TPMT: variants seen among roughly 807,000 people sequenced by gnomAD.
TPMT encodes the protein thiopurine S-methyltransferase, also known as S-adenosyl-L-methionine:thiopurine S-methyltransferase.
TPMT carries 18 observed loss-of-function variants against 34.2 expected under a neutral mutation model. The observed-to-expected ratio is 0.53, with a 90% CI of 0.36 to 0.78. The LOEUF is 0.78. TPMT is among the 30% of genes least tolerant of loss of function. The probability of loss-of-function intolerance (pLI) is 0.00; values close to 1 mark genes in which losing one functional copy is unlikely to be tolerated. For synonymous variants in TPMT, 69 were observed against 92.4 expected, an observed-to-expected ratio of 0.75 and a Z score of 1.45; for missense variants, 265 against 288.1, an observed-to-expected ratio of 0.92 and a Z score of 0.58.
rs760966908 is a variant in TPMT, at chr6:18,153,026, T to C, written c.-45+2007A>G. Among the ~76,000 whole-genome samples, 4 of 152,252 alleles carry C rather than the reference T, an allele frequency of 2.6e-5. No individual in the cohort carries two copies. Among genetic ancestry groups the C allele is most frequent in the Non-Finnish European group, 4.4e-5 (3 of 68,048 alleles). On this transcript the variant is annotated intron_variant, in intron 1 of 8. Coordinates refer to ENST00000309983, the MANE Select transcript of TPMT (RefSeq NM_000367.5). This position sits in a 1 kb window ranked among gnomAD's most constrained non-coding sequence, Gnocchi z 4.2. ...TGGTAACACCGCCATTTTTTGTGCA[T>C]GGTACCCATGAAGCTCAATTACTCA...
At chr6:18,133,654 T>C in intron 7 of TPMT, 150 bp downstream of exon 7, 2 of 646,544 alleles carry the variant, frequency 3.1e-6, no homozygotes, top group Non-Finnish European at 2.7e-6. Context: ...ATAGTTCCCA[T>C]TAGTCAAAAC....
Position 18,138,908 on chromosome 6 carries a change from AG to A in TPMT, c.494+54del. 2.8e-6 allele frequency: 4 copies of A among 1,426,594 alleles called. No individual in the cohort carries two copies. Among genetic ancestry groups the A allele is most frequent in the East Asian group, 2.3e-5 (1 of 44,030 alleles). 88.4% of individuals were successfully genotyped at this position (1,426,594 alleles called of 1,614,324 possible). ...AGCTGATTTTCTAGAACCCAGAAAA[AG>A]TATAGTATACTAAAAAATTAAGACA... is the stretch of plus-strand genomic sequence containing the variant. On this transcript the variant is annotated intron_variant, in intron 6 of 8. Coordinates refer to ENST00000309983, the MANE Select transcript of TPMT (RefSeq NM_000367.5). The surrounding 1 kb of genome is among the most constrained non-coding windows in gnomAD (Gnocchi z 4.1).
In TPMT at chr6:18,132,232, G is replaced by T; in HGVS notation, c.581-55C>A. 4 of 1,533,500 alleles carry T rather than the reference G, an allele frequency of 2.6e-6. No homozygotes were observed. The South Asian group carries it at 4.5e-5, about 17-fold the overall frequency. 95.0% of individuals were successfully genotyped at this position (1,533,500 alleles called of 1,614,324 possible). On this transcript the variant is annotated intron_variant, in intron 7 of 8. Transcript: ENST00000309983. This position sits in a 1 kb window ranked among gnomAD's most constrained non-coding sequence, Gnocchi z 4.8. ...TATTTCCAATGACGTAGGTGTACTT[G>T]TTCTACATACAACTTCATTATCCAA...
At position 18,153,586 on chromosome 6, in the gene TPMT, T is replaced by C. The variant is rs1307509706; in HGVS notation, c.-45+1447A>G. ...ATATAGGGAGGAGGCATTTCTCTCA[T>C]TACCTGGGAACATGAATTCACTTCT... On this transcript the variant is annotated intron_variant, in intron 1 of 8. Transcript: ENST00000309983. The surrounding 1 kb of genome is among the most constrained non-coding windows in gnomAD (Gnocchi z 4.2). Among the ~76,000 whole-genome samples the C allele has an allele frequency of 6.6e-6, 1 of 152,222 alleles. No homozygotes were observed. Among genetic ancestry groups the C allele is most frequent in the South Asian group, 2.1e-4 (1 of 4,836 alleles).
Position 18,143,519 on chromosome 6 carries a change from G to T in TPMT, c.366+77C>A. 1 of 1,567,568 alleles carries T rather than the reference G, an allele frequency of 6.4e-7. No homozygotes were observed. Among genetic ancestry groups the T allele is most frequent in the Non-Finnish European group, 8.8e-7 (1 of 1,142,050 alleles). ...ATAGGAACCATCGGACACATGAATG[G>T]TATCCTCATAATACTCACACTGAGA... On this transcript the variant is annotated intron_variant, in intron 4 of 8. Transcript: ENST00000309983. This position sits in a 1 kb window ranked among gnomAD's most constrained non-coding sequence, Gnocchi z 6.1.
chr6:18,147,681 T>C (rs1247827010), intron 3 of TPMT, 142 bp downstream of exon 3: 7 of 718,304 alleles, frequency 9.7e-6, no homozygotes, highest in Non-Finnish European at 7.3e-6. Context: ...TTATTTCCAA[T>C]TATATACCCA....
In TPMT at chr6:18,136,469, A is replaced by G. The variant is rs902872834; in HGVS notation, c.494+2494T>C. Among the ~76,000 whole-genome samples the G allele has an allele frequency of 6.6e-6, 1 of 152,178 alleles. No individual in the cohort carries two copies. The highest frequency in any genetic ancestry group is 2.4e-5 in the African/African-American group (1 of 41,436). On this transcript the variant is annotated intron_variant, in intron 6 of 8. Transcript: ENST00000309983. This position sits in a 1 kb window ranked among gnomAD's most constrained non-coding sequence, Gnocchi z 4.7. ...TTGGAACATCACAGGAACTTAGTAA[A>G]TATTTGTTGAATAGCTGAATGAAAG...
Position 18,135,940 on chromosome 6 carries a change from T to C in TPMT, c.495-2051A>G, listed in dbSNP as rs1223858411. 6.6e-6 allele frequency among the ~76,000 whole-genome samples: 1 copy of C among 152,174 alleles called. No homozygotes were observed. Among genetic ancestry groups the C allele is most frequent in the Non-Finnish European group, 1.5e-5 (1 of 68,030 alleles). ...GCCCTTGCTCAGAGTGCAGTTCACT[T>C]CTTCCATTCATTTATTTAAACAACA... On this transcript the variant is annotated intron_variant, in intron 6 of 8. Coordinates refer to ENST00000309983, the MANE Select transcript of TPMT (RefSeq NM_000367.5). The surrounding 1 kb of genome is among the most constrained non-coding windows in gnomAD (Gnocchi z 5.0).
In TPMT at chr6:18,138,779, G is replaced by C. The variant is rs1231332668; in HGVS notation, c.494+184C>G. 6.6e-6 allele frequency among the ~76,000 whole-genome samples: 1 copy of C among 152,064 alleles called. No homozygotes were observed. The highest frequency in any genetic ancestry group is 1.5e-5 in the Non-Finnish European group (1 of 68,020). ...CACAAGCCTTATAGCCTTACACCCA[G>C]GTCTCTGTAGTCAAATCCTATACTT... On this transcript the variant is annotated intron_variant, in intron 6 of 8. Coordinates refer to ENST00000309983, the MANE Select transcript of TPMT (RefSeq NM_000367.5). The surrounding 1 kb of genome is among the most constrained non-coding windows in gnomAD (Gnocchi z 4.1).
chr6:18,144,808 C>A (rs187787504), intron 3 of TPMT, among the ~76,000 whole-genome samples: 1 of 151,922 alleles, frequency 6.6e-6, no homozygotes, highest in Non-Finnish European at 1.5e-5. Flanking sequence ...GCAACCTCCA[C>A]CTCCCGAGTT....
intron 3 of TPMT, 112 bp downstream of exon 3, chr6:18,147,711 G>A: frequency 1.0e-6 from 1 of 970,768 alleles, no homozygotes; most frequent in East Asian, 2.4e-5. Context: ...GAAAAATAAG[G>A]AATTTCTGTG....
Position 18,130,766 on chromosome 6 carries a change from T to C in TPMT, c.640A>G (p.Ile214Val). 2 of 1,612,864 alleles carry C rather than the reference T, an allele frequency of 1.2e-6. No individual in the cohort carries two copies. The highest frequency in any genetic ancestry group is 1.7e-6 in the Non-Finnish European group (2 of 1,179,070). Reference protein sequence around the residue: ...IERLFGKICNIRCLEKVDAFE... With the variant: ...IERLFGKICNVRCLEKVDAFE... The stretch of plus-strand genomic sequence containing the variant: ...GCATCAACCTTCTCAAGACAACGTA[T>C]ATTGCATATTTTACCTGAAACAAGA... Residue 214 changes from isoleucine to valine, a missense_variant, in exon 9 of 9, where the codon ATA (isoleucine) becomes GTA (valine). Transcript: ENST00000309983. The surrounding 1 kb of genome is among the most constrained non-coding windows in gnomAD (Gnocchi z 4.2).
chr6:18,145,512 A>G lies in TPMT; in HGVS notation c.234-1784T>C, dbSNP rs571483226. ...TTTCATGCTCAAATTTTTCCCTAAT[A>G]TATCAATTGAGTTAGAATTCAGTTT... On this transcript the variant is annotated intron_variant, in intron 3 of 8. Transcript: ENST00000309983. The surrounding 1 kb of genome is among the most constrained non-coding windows in gnomAD (Gnocchi z 5.6). 6.6e-6 allele frequency among the ~76,000 whole-genome samples: 1 copy of G among 152,340 alleles called. No homozygotes were observed. The highest frequency in any genetic ancestry group is 2.1e-4 in the South Asian group (1 of 4,826).
chr6:18,143,332 C>T lies in TPMT; in HGVS notation c.366+264G>A, dbSNP rs1053286602. On this transcript the variant is annotated intron_variant, in intron 4 of 8. Transcript: ENST00000309983. This position sits in a 1 kb window ranked among gnomAD's most constrained non-coding sequence, Gnocchi z 6.1. Reference sequence around the variant, plus strand: ...GCACATGATGGGTTCTCAGAAAATGCGTGTTAATAAAAATAAAACAAGCCT... The same window carrying T: ...GCACATGATGGGTTCTCAGAAAATGTGTGTTAATAAAAATAAAACAAGCCT... Among the ~76,000 whole-genome samples, 5 of 152,080 alleles carry T rather than the reference C, an allele frequency of 3.3e-5. No individual in the cohort carries two copies. Among genetic ancestry groups the T allele is most frequent in the South Asian group, 2.1e-4 (1 of 4,822 alleles).
chr6:18,139,631 AT>A lies in TPMT; in HGVS notation c.419+33del. The A allele has an allele frequency of 6.3e-6, 10 of 1,589,382 alleles. No homozygotes were observed. The highest frequency in any genetic ancestry group is 1.3e-5 in the African/African-American group (1 of 74,498). ...CCTGCACTGCCTGGCAAGCATTCAA[AT>A]TTTTTAAAGTGCAGATGTAGTATTC... On this transcript the variant is annotated intron_variant, in intron 5 of 8. Coordinates refer to ENST00000309983, the MANE Select transcript of TPMT (RefSeq NM_000367.5). The surrounding 1 kb of genome is among the most constrained non-coding windows in gnomAD (Gnocchi z 4.2).
At position 18,147,924 on chromosome 6, in the gene TPMT, G is replaced by GA. The variant is rs368770445; in HGVS notation, c.141-10dup. 15,952 of 1,195,084 alleles carry GA rather than the reference G, an allele frequency of 0.013. No homozygotes were observed. The highest frequency in any genetic ancestry group is 0.015 in the Non-Finnish European group (12,701 of 870,072). 74.0% of individuals were successfully genotyped at this position (1,195,084 alleles called of 1,614,324 possible). On this transcript the variant is annotated splice_polypyrimidine_tract_variant and intron_variant, in intron 2 of 8. Transcript: ENST00000309983. ...AATGCTTCTTTAATAGCCTGAAGAG[G>GA]AAAAAAAAAAAGGTTTTAGGACAAT...
chr6:18,149,175 C>T lies in TPMT; in HGVS notation c.-44-4G>A, dbSNP rs202034437. 456 of 1,612,678 alleles carry T rather than the reference C, an allele frequency of 2.8e-4. 1 individual carries two copies. Among genetic ancestry groups the T allele is most frequent in the Non-Finnish European group, 3.6e-4 (429 of 1,179,560 alleles). ...CACAAGCATATGTCTTCCGTGCCTA[C>T]GTGGAAAATATTTGCAATGTTGTCA... On this transcript the variant is annotated splice_region_variant and splice_polypyrimidine_tract_variant and intron_variant, in intron 1 of 8. Transcript: ENST00000309983. This position sits in a 1 kb window ranked among gnomAD's most constrained non-coding sequence, Gnocchi z 5.0.
At position 18,131,138 on chromosome 6, in the gene TPMT, C is replaced by T. The variant is rs1783932107; in HGVS notation, c.626-358G>A. 6.6e-6 allele frequency among the ~76,000 whole-genome samples: 1 copy of T among 152,104 alleles called. No homozygotes were observed. The highest frequency in any genetic ancestry group is 6.5e-5 in the Admixed American group (1 of 15,274). ...AGGCAACAAGAGCGAAACTCCATCT[C>T]AAAACAAACAAACAAAACCTTGAAA... On this transcript the variant is annotated intron_variant, in intron 8 of 8. Transcript: ENST00000309983. The surrounding 1 kb of genome is among the most constrained non-coding windows in gnomAD (Gnocchi z 4.3).
intron 3 of TPMT, among the ~76,000 whole-genome samples, chr6:18,147,383 G>C (rs1383689295): frequency 1.3e-5 from 2 of 152,186 alleles, no homozygotes; most frequent in African/African-American, 4.8e-5. Flanking sequence ...GTGTTCCCTG[G>C]TGGGAGGGGA....
Sources: gnomAD v4.1 joint callset for allele counts (sites outside exome capture counted in the v4.1 genomes callset) on GRCh38, gnomAD v4.1.1 for gene constraint, Gnocchi (gnomAD v3.1) non-coding constraint, MANE v1.5 for transcripts, NCBI Gene and HGNC (gene_info 2026-07-23, HGNC 2026-07-21) for gene names.